The following AGBL1 variants were observed in gnomAD, a reference collection of about 807,000 sequenced individuals.
AGBL1 encodes cytosolic carboxypeptidase 4.
AGBL1 carries 130 observed loss-of-function variants against 118.9 expected under a neutral mutation model. The observed-to-expected ratio is 1.09, with a 90% CI of 0.95 to 1.26. The LOEUF (loss-of-function observed/expected upper bound fraction) is 1.26, where lower values mean the gene tolerates loss of function less well. Ranked by LOEUF, AGBL1 falls within the 50% of genes most tolerant of loss-of-function variation. The pLI, the probability that AGBL1 is intolerant of heterozygous loss-of-function variation, is 0.00. For missense variants in AGBL1, 1,584 were observed against 1,298.1 expected, an observed-to-expected ratio of 1.22 and a Z score of -3.38; for synonymous variants, 555 against 478.9, an observed-to-expected ratio of 1.16 and a Z score of -2.08.
At chr15:86,190,034 G>A (rs544153937) in intron 5 of AGBL1, among the ~76,000 whole-genome samples, 1 of 152,316 alleles carries the variant, frequency 6.6e-6, no homozygotes, top group East Asian at 1.9e-4. Context: ...AGTATCATTA[G>A]AGAAGTAAAC....
intron 22 of AGBL1, among the ~76,000 whole-genome samples, chr15:86,727,832 G>T (rs557136661): frequency 9.9e-5 from 15 of 152,262 alleles, no homozygotes; most frequent in African/African-American, 3.1e-4. Context: ...TAAATGAAAG[G>T]ACTGAGGTCT....
At chr15:86,826,989 G>T (rs1314174271) in intron 22 of AGBL1, among the ~76,000 whole-genome samples, 1 of 151,702 alleles carries the variant, frequency 6.6e-6, no homozygotes, top group Non-Finnish European at 1.5e-5. Context: ...TGAGATCAAG[G>T]TGACTTTTGA....
intron 18 of AGBL1, among the ~76,000 whole-genome samples, chr15:86,493,261 G>A (rs935875037): frequency 1.8e-4 from 27 of 151,748 alleles, no homozygotes; most frequent in African/African-American, 5.8e-4. Context: ...GAGACAACAC[G>A]GTGATCACGT....
At chr15:86,495,901 T>G (rs2082847855) in intron 18 of AGBL1, among the ~76,000 whole-genome samples, 1 of 151,976 alleles carries the variant, frequency 6.6e-6, no homozygotes. Flanking sequence ...TATCCCAATA[T>G]TATATCTCCT....
chr15:86,168,905 C>G (rs57153709), intron 5 of AGBL1, among the ~76,000 whole-genome samples: 8,816 of 152,222 alleles, frequency 0.058, 358 homozygotes, highest in East Asian at 0.22. Flanking sequence ...TTTATTTCCT[C>G]TTTGTGAATT....
chr15:86,122,421 G>C (rs528454161), intron 1 of AGBL1, among the ~76,000 whole-genome samples: 2 of 152,184 alleles, frequency 1.3e-5, no homozygotes, highest in South Asian at 4.2e-4. Flanking sequence ...TCAAGTGTGG[G>C]CTAGACATAG....
intron 6 of AGBL1, among the ~76,000 whole-genome samples, chr15:86,244,082 A>T (rs1333375439): frequency 1.3e-5 from 2 of 148,976 alleles, no homozygotes; most frequent in Middle Eastern, 3.3e-3. Context: ...TAAATAAATA[A>T]ATAAATATAT....
chr15:87,015,390 T>TATC (rs2081599575), intron 24 of AGBL1, among the ~76,000 whole-genome samples: 1 of 152,144 alleles, frequency 6.6e-6, no homozygotes. Flanking sequence ...CTAGTCTGTC[T>TATC]ATCTATCTAC....
rs145304005 is a variant in AGBL1, at chr15:86,281,752, C to G, written c.2220+1969C>G. ...CCTGTAGAAAAGTGTAGAAGAAATTCAGAATTTCTGCCCTGGGGTCAGATT... is the reference window on the plus strand; with the variant it reads ...CCTGTAGAAAAGTGTAGAAGAAATTGAGAATTTCTGCCCTGGGGTCAGATT... On this transcript the variant is annotated intron_variant, in intron 16 of 22. Coordinates refer to ENST00000614907, the MANE Select transcript of AGBL1 (RefSeq NM_001386094.1). Among the ~76,000 whole-genome samples, 338 of 152,244 alleles carry G rather than the reference C, an allele frequency of 2.2e-3. 2 individuals carry two copies. Among genetic ancestry groups the G allele is most frequent in the African/African-American group, 8.0e-3 (331 of 41,554 alleles).
intron 21 of AGBL1, among the ~76,000 whole-genome samples, chr15:86,646,976 A>G (rs1333721443): frequency 6.6e-6 from 1 of 152,162 alleles, no homozygotes; most frequent in African/African-American, 2.4e-5. Context: ...CTTATTCTGT[A>G]TGACTTAATG....
intron 5 of AGBL1, among the ~76,000 whole-genome samples, chr15:86,199,396 A>C (rs1374945390): frequency 6.6e-6 from 1 of 152,192 alleles, no homozygotes; most frequent in Non-Finnish European, 1.5e-5. Context: ...GTTGCCTTAA[A>C]AGAAGATGTA....
At chr15:86,540,855 C>T (rs1161601460) in intron 19 of AGBL1, among the ~76,000 whole-genome samples, 2 of 152,210 alleles carry the variant, frequency 1.3e-5, no homozygotes, top group Non-Finnish European at 2.9e-5. Context: ...CTCCTTCACT[C>T]TGAATCTTCT....
chr15:86,158,867 C>A, intron 4 of AGBL1, 66 bp from the exon 5 acceptor site: 1 of 1,423,080 alleles, frequency 7.0e-7, no homozygotes, highest in Non-Finnish European at 9.9e-7. Context: ...AGGAGTCAAT[C>A]CAAGTTGTCT....
At position 86,424,852 on chromosome 15, in the gene AGBL1, G is replaced by A. The variant is rs535319562; in HGVS notation, c.2555+27306G>A. Among the ~76,000 whole-genome samples the A allele has an allele frequency of 3.2e-3, 482 of 152,256 alleles. 1 individual carries two copies. Among genetic ancestry groups the A allele is most frequent in the African/African-American group, 0.011 (455 of 41,554 alleles). On this transcript the variant is annotated intron_variant, in intron 18 of 22. Coordinates refer to ENST00000614907, the MANE Select transcript of AGBL1 (RefSeq NM_001386094.1). Reference sequence around the variant, plus strand: ...AAACCACAATGAGATACCATCTCATGCCAGTTAGACTGGCGATCTTTAAAA... The same window carrying A: ...AAACCACAATGAGATACCATCTCATACCAGTTAGACTGGCGATCTTTAAAA...
intron 21 of AGBL1, among the ~76,000 whole-genome samples, chr15:86,597,164 C>CATCT (rs2084422610): frequency 6.6e-6 from 1 of 152,054 alleles, no homozygotes. Flanking sequence ...TCCATCCATC[C>CATCT]ATCCATCCAT....
At chr15:86,492,313 G>A (rs1012596682) in intron 18 of AGBL1, among the ~76,000 whole-genome samples, 5 of 152,124 alleles carry the variant, frequency 3.3e-5, no homozygotes, top group African/African-American at 1.2e-4. Context: ...ACAGAGAACT[G>A]CAAATGGATC....
intron 23 of AGBL1, among the ~76,000 whole-genome samples, chr15:86,978,647 T>TA (rs2081198870): frequency 2.0e-5 from 3 of 152,154 alleles, no homozygotes; most frequent in Admixed American, 1.3e-4. Flanking sequence ...AACATGTGGT[T>TA]ACTGAAGCCC....
chr15:86,358,055 T>C (rs2080749670), intron 17 of AGBL1, among the ~76,000 whole-genome samples: 1 of 152,100 alleles, frequency 6.6e-6, no homozygotes, highest in Admixed American at 6.5e-5. Flanking sequence ...ATAAACTCTT[T>C]TAGCAAATTT....
rs562788683 is a variant in AGBL1 at position 86,614,515 on chromosome 15, T to G, written c.2995-59758T>G. Among the ~76,000 whole-genome samples the G allele has an allele frequency of 2.0e-5, 3 of 152,130 alleles. No homozygotes were observed. In the East Asian group the frequency reaches 5.8e-4, roughly 29 times the overall value. On this transcript the variant is annotated intron_variant, in intron 21 of 22. Coordinates refer to ENST00000614907, the MANE Select transcript of AGBL1 (RefSeq NM_001386094.1). Reference sequence around the variant, plus strand: ...AGAAGATTTAGGTATGGTGGTACCCTGATGGAATACTGATAAAACAGGTTT... The same window carrying G: ...AGAAGATTTAGGTATGGTGGTACCCGGATGGAATACTGATAAAACAGGTTT...
Sources: gnomAD v4.1 joint callset for allele counts (sites outside exome capture counted in the v4.1 genomes callset) on GRCh38, gnomAD v4.1.1 for gene constraint, MANE v1.5 for transcripts, NCBI Gene and HGNC (gene_info 2026-07-23, HGNC 2026-07-21) for gene names.